NRG1: variants seen among roughly 807,000 people sequenced by gnomAD.
NRG1 encodes the protein neuregulin 1, also known as pro-neuregulin-1, membrane-bound isoform.
In NRG1, 18 loss-of-function variants were observed where a neutral mutation model predicts 63.8. The ratio of observed to expected loss-of-function variants is 0.28; its 90% CI spans 0.19 to 0.42. The LOEUF is 0.42. Ranked by LOEUF, NRG1 falls within the 10% of genes least tolerant of loss-of-function variation. The pLI is 1.00. For missense variants in NRG1, 762 were observed against 814.7 expected, an observed-to-expected ratio of 0.94 and a Z score of 0.79; for synonymous variants, 302 against 301.3, an observed-to-expected ratio of 1.00 and a Z score of -0.02.
chr8:32,547,606 C>CAA (rs1241630554), upstream of NRG1, among the ~76,000 whole-genome samples: 1 of 62,678 alleles, frequency 1.6e-5, no homozygotes, highest in Non-Finnish European at 3.2e-5. Flanking sequence ...CACACACACA[C>CAA]ACACACACAC....
intron 1 of NRG1, among the ~76,000 whole-genome samples, chr8:31,797,651 G>T (rs967889397): frequency 2.0e-5 from 3 of 152,172 alleles, no homozygotes; most frequent in Admixed American, 6.5e-5. Flanking sequence ...TTGAAGAGAT[G>T]TCTCCTATTT....
At chr8:32,204,153 C>T (rs1273648151) in intron 1 of NRG1, among the ~76,000 whole-genome samples, 2 of 152,142 alleles carry the variant, frequency 1.3e-5, no homozygotes, top group African/African-American at 2.4e-5. Context: ...GGTATGGCTA[C>T]AGCTGACTCA....
At chr8:32,232,028 C>T (rs1055637978) in intron 1 of NRG1, among the ~76,000 whole-genome samples, 15 of 152,066 alleles carry the variant, frequency 9.9e-5, no homozygotes, top group Middle Eastern at 3.2e-3. Flanking sequence ...CTCAGCTTTC[C>T]AAGTAACTAG....
intron 1 of NRG1, among the ~76,000 whole-genome samples, chr8:31,826,764 G>T (rs987281267): frequency 6.6e-6 from 1 of 152,152 alleles, no homozygotes; most frequent in Non-Finnish European, 1.5e-5. Context: ...TGACCTGAAG[G>T]TCCCATTTCA....
intron 11 of NRG1, chr8:32,760,656 A>C (rs1161838347): frequency 1.1e-5 from 14 of 1,298,258 alleles, no homozygotes; most frequent in Non-Finnish European, 1.4e-5. Context: ...TTGATGCGGA[A>C]GGTGCAGCAC....
At chr8:32,764,391 A>G (rs1176771968) in exon 12 of NRG1, 1 of 1,576,634 alleles carries the variant, frequency 6.3e-7, no homozygotes, top group East Asian at 2.3e-5. Flanking sequence ...CCAAGACCCT[A>G]TTGCTGTATA....
rs5890595 is a variant in NRG1 at position 31,693,497 on chromosome 8, TA to T, written c.37+54078del. 3.3e-3 allele frequency among the ~76,000 whole-genome samples: 486 copies of T among 145,140 alleles called. 2 individuals carry two copies. The highest frequency in any genetic ancestry group is 0.022 in the East Asian group (112 of 5,026). ...TTACAGTTATTTCTCTAAAATGCAG[TA>T]AAAAAAAAAAAGAATGCCTAGCAAC... is the stretch of plus-strand genomic sequence containing the variant. On this transcript the variant is annotated intron_variant, in intron 1 of 10. Transcript: ENST00000519301.
chr8:32,090,742 A>G (rs2131262779), intron 1 of NRG1, among the ~76,000 whole-genome samples: 1 of 152,296 alleles, frequency 6.6e-6, no homozygotes, highest in East Asian at 1.9e-4. Context: ...AACAACATGA[A>G]GTCAGAGGGA....
intron 1 of NRG1, among the ~76,000 whole-genome samples, chr8:32,127,662 T>C (rs1834275574): frequency 6.6e-6 from 1 of 151,714 alleles, no homozygotes; most frequent in African/African-American, 2.4e-5. Context: ...CTGTAGCTCC[T>C]AATCTTCCCA....
intron 1 of NRG1, among the ~76,000 whole-genome samples, chr8:31,944,672 TA>T (rs1332654547): frequency 1.3e-5 from 2 of 152,102 alleles, no homozygotes; most frequent in African/African-American, 4.8e-5. Context: ...CATGTAAACA[TA>T]CACCTGATAC....
intron 1 of NRG1, among the ~76,000 whole-genome samples, chr8:32,362,333 T>G: frequency 6.6e-6 from 1 of 152,370 alleles, no homozygotes; most frequent in Middle Eastern, 3.4e-3. Flanking sequence ...ATTTGTTTAA[T>G]GTTACTTATT....
At chr8:32,046,030 T>C (rs1820938909) in intron 1 of NRG1, among the ~76,000 whole-genome samples, 1 of 152,044 alleles carries the variant, frequency 6.6e-6, no homozygotes, top group African/African-American at 2.4e-5. Context: ...ATAAAATCTT[T>C]TCAAATTTCA....
chr8:32,669,881 T>C (rs1805176598), intron 5 of NRG1, among the ~76,000 whole-genome samples: 1 of 152,184 alleles, frequency 6.6e-6, no homozygotes, highest in South Asian at 2.1e-4. Context: ...ATTGGACTAG[T>C]GAAAATTACA....
intron 1 of NRG1, among the ~76,000 whole-genome samples, chr8:32,050,364 T>C (rs4733288): frequency 0.43 from 64,684 of 151,980 alleles, 14,384 homozygotes; most frequent in East Asian, 0.68. Context: ...CCTTGGGAGC[T>C]TCCACTGAAC....
At chr8:32,325,859 T>C (rs1009708570) in intron 1 of NRG1, among the ~76,000 whole-genome samples, 2 of 152,226 alleles carry the variant, frequency 1.3e-5, no homozygotes, top group Non-Finnish European at 1.5e-5. Flanking sequence ...CACAGGCTAT[T>C]GCTTACAGCA....
At chr8:31,973,508 GA>G (rs925491776) in intron 1 of NRG1, among the ~76,000 whole-genome samples, 1 of 152,152 alleles carries the variant, frequency 6.6e-6, no homozygotes, top group Non-Finnish European at 1.5e-5. Flanking sequence ...AGAATAGATG[GA>G]AAATCAAGGC....
chr8:32,769,172 T>C (rs764685036), downstream of NRG1, among the ~76,000 whole-genome samples: 1 of 152,200 alleles, frequency 6.6e-6, no homozygotes, highest in Non-Finnish European at 1.5e-5. Flanking sequence ...ATTGAGACAT[T>C]ATTCTCAGTT....
intron 1 of NRG1, among the ~76,000 whole-genome samples, chr8:31,705,855 T>C (rs958900464): frequency 1.3e-5 from 2 of 152,182 alleles, no homozygotes; most frequent in Non-Finnish European, 2.9e-5. Context: ...AAGGAGGTAA[T>C]CTAATGCCCA....
chr8:32,198,358 A>G (rs1208416157), intron 1 of NRG1, among the ~76,000 whole-genome samples: 1 of 151,984 alleles, frequency 6.6e-6, no homozygotes, highest in Non-Finnish European at 1.5e-5. Flanking sequence ...TTGTATTTTT[A>G]GTTGAGACAG....
Sources: allele counts gnomAD v4.1 joint callset (sites outside exome capture counted in the v4.1 genomes callset), GRCh38; gene constraint gnomAD v4.1.1; transcripts MANE v1.5; gene names NCBI Gene and HGNC (gene_info 2026-07-23, HGNC 2026-07-21).